TACC3: variants seen among roughly 807,000 people sequenced by gnomAD.
TACC3 encodes transforming acidic coiled-coil containing protein 3, also known as transforming acidic coiled-coil-containing protein 3.
Under a neutral mutation model 86.0 loss-of-function variants are expected in TACC3, and 52 were observed. The observed-to-expected ratio is 0.60, with a 90% CI of 0.48 to 0.76. The LOEUF (loss-of-function observed/expected upper bound fraction) is 0.76, where lower values mean the gene tolerates loss of function less well. Ranked by LOEUF, TACC3 falls within the 30% of genes least tolerant of loss-of-function variation. TACC3 has a pLI of 0.00. For missense variants in TACC3, 1,120 were observed against 1,070.4 expected (o/e 1.05, Z -0.65); for synonymous variants, 512 against 430.0 (o/e 1.19, Z -2.36).
At chr4:1,723,177 C>G (rs997323815) in intron 1 of TACC3, 1 of 539,454 alleles carries the variant, frequency 1.9e-6, no homozygotes, top group Admixed American at 3.5e-5. Context: ...CTCTTGGTCC[C>G]AGGAAGCAGC....
At chr4:1,725,114 T>C (rs563649520) in intron 3 of TACC3, among the ~76,000 whole-genome samples, 2 of 151,740 alleles carry the variant, frequency 1.3e-5, no homozygotes, top group African/African-American at 4.8e-5. Flanking sequence ...GTATTTTTAG[T>C]AAATATGGGG....
At chr4:1,738,219 G>GC in intron 10 of TACC3, 1 of 278,826 alleles carries the variant, frequency 3.6e-6, no homozygotes, top group Non-Finnish European at 7.1e-6. Flanking sequence ...AAGGGGCTGG[G>GC]TGTCTGCAGG....
In TACC3 at chr4:1,735,746, T is replaced by A. The variant is rs765481445; in HGVS notation, c.1660T>A (p.Leu554Met). 8.7e-6 allele frequency: 14 copies of A among 1,613,016 alleles called. No homozygotes were observed. The highest frequency in any genetic ancestry group is 1.2e-5 in the Non-Finnish European group (14 of 1,179,768). The change falls in exon 8 of 16, where the codon TTG becomes ATG. Residue 554 changes from leucine to methionine, a missense_variant. Coordinates refer to ENST00000313288, the MANE Select transcript of TACC3 (RefSeq NM_006342.3). The surrounding 1 kb of genome is among the most constrained non-coding windows in gnomAD (Gnocchi z 4.2). ...FGTSSFKESA[L>M]RKQSLYLKFD... ...TTGTCCCCAGTTTAAGGAGTCGGCC[T>A]TGAGGAAGCAGTCCTTATACCTCAA...
chr4:1,742,747 C>T (rs1718652705), intron 13 of TACC3, among the ~76,000 whole-genome samples: 1 of 150,874 alleles, frequency 6.6e-6, no homozygotes, highest in Non-Finnish European at 1.5e-5. Flanking sequence ...TGCAGTGAGC[C>T]AAGATCGTGC....
At chr4:1,736,687 T>C (rs1418726238) in intron 8 of TACC3, among the ~76,000 whole-genome samples, 1 of 151,854 alleles carries the variant, frequency 6.6e-6, no homozygotes, top group Non-Finnish European at 1.5e-5. Context: ...GGCGGGTGGA[T>C]CGCCTGAGGT....
intron 3 of TACC3, among the ~76,000 whole-genome samples, chr4:1,724,269 G>A (rs1167221866): frequency 6.6e-6 from 1 of 151,416 alleles, no homozygotes; most frequent in Non-Finnish European, 1.5e-5. Context: ...ACCACGCCCG[G>A]CCGGCCTTGG....
chr4:1,728,200 G>T lies in TACC3; in HGVS notation c.798G>T (p.Gln266His), dbSNP rs1229421389. 6.2e-7 allele frequency: 1 copy of T among 1,611,678 alleles called. No individual in the cohort carries two copies. Among genetic ancestry groups the T allele is most frequent in the Non-Finnish European group, 8.5e-7 (1 of 1,179,572 alleles). ...AAGCCTGCGGAGGAGCACCCCTGCA[G>T]GGTCTGCCTGGCGAAGCCCTGGGCT... ...PKEACGGAPL[Q>H]GLPGEALGCP... Residue 266 changes from glutamine to histidine, a missense_variant, in exon 4 of 16, where the codon CAG becomes CAT. By Grantham distance (24) the Gln-to-His change is conservative. Coordinates refer to ENST00000313288, the MANE Select transcript of TACC3 (RefSeq NM_006342.3).
intron 4 of TACC3, among the ~76,000 whole-genome samples, 178 bp downstream of exon 4, chr4:1,728,965 G>T (rs1259943628): frequency 6.6e-6 from 1 of 152,234 alleles, no homozygotes; most frequent in African/African-American, 2.4e-5. Flanking sequence ...GAGGGTGCTT[G>T]GCCTTGCCTT....
At position 1,735,272 on chromosome 4, in the gene TACC3, G is replaced by C; in HGVS notation, c.1592-1G>C. 6.2e-7 allele frequency: 1 copy of C among 1,614,006 alleles called. No individual in the cohort carries two copies. Among genetic ancestry groups the C allele is most frequent in the Non-Finnish European group, 8.5e-7 (1 of 1,180,028 alleles). Reference sequence around the variant, plus strand: ...GCGGCGGCATGATTCACTCCTCTCAGTTCTAGGCACGGGCGCGGAGGTGGA... The same window carrying C: ...GCGGCGGCATGATTCACTCCTCTCACTTCTAGGCACGGGCGCGGAGGTGGA... On this transcript the variant is annotated splice_acceptor_variant, in intron 6 of 15. Coordinates refer to ENST00000313288, the MANE Select transcript of TACC3 (RefSeq NM_006342.3). LOFTEE classifies it high-confidence loss of function. This position sits in a 1 kb window ranked among gnomAD's most constrained non-coding sequence, Gnocchi z 4.2.
chr4:1,720,669 C>A, upstream of TACC3: 1 of 1,546,656 alleles, frequency 6.5e-7, no homozygotes, highest in Non-Finnish European at 8.7e-7. This position sits in a 1 kb window ranked among gnomAD's most constrained non-coding sequence, Gnocchi z 4.4. Context: ...AGCGTGGCGG[C>A]CGTGCGGCGC....
chr4:1,728,141 G>C lies in TACC3; in HGVS notation c.739G>C (p.Val247Leu), dbSNP rs1011823920. 2 of 1,611,876 alleles carry C rather than the reference G, an allele frequency of 1.2e-6. No homozygotes were observed. The highest frequency in any genetic ancestry group is 4.5e-5 in the East Asian group (2 of 44,824). ...RHGGVCAPAA[V>L]ATSPPGAIPK... is the part of the protein sequence containing the mutation. Reference sequence around the variant, plus strand: ...CGGTGGGGTCTGTGCTCCCGCAGCAGTGGCCACTTCGCCTCCTGGTGCAAT... The same window carrying C: ...CGGTGGGGTCTGTGCTCCCGCAGCACTGGCCACTTCGCCTCCTGGTGCAAT... Residue 247 changes from valine to leucine, a missense_variant, in exon 4 of 16, where the codon GTG (valine) becomes CTG (leucine). By Grantham distance (32) the Val-to-Leu change is conservative (BLOSUM62 1). Coordinates refer to ENST00000313288, the MANE Select transcript of TACC3 (RefSeq NM_006342.3).
At chr4:1,733,421 C>T (rs768940054) in intron 6 of TACC3, among the ~76,000 whole-genome samples, 4 of 152,014 alleles carry the variant, frequency 2.6e-5, no homozygotes, top group Non-Finnish European at 4.4e-5. Context: ...TTTGCGGGGC[C>T]GAGGCAGGAT....
upstream of TACC3, chr4:1,720,802 A>G (rs769724010): frequency 1.3e-6 from 2 of 1,595,282 alleles, no homozygotes; most frequent in Non-Finnish European, 8.5e-7. This position sits in a 1 kb window ranked among gnomAD's most constrained non-coding sequence, Gnocchi z 4.4. Flanking sequence ...CGAACACCAG[A>G]TAGGCGAGAG....
Position 1,728,485 on chromosome 4 carries a change from C to G in TACC3, c.1083C>G (p.Ser361=), listed in dbSNP as rs760310349. 6.2e-7 allele frequency: 1 copy of G among 1,613,966 alleles called. No individual in the cohort carries two copies. Among genetic ancestry groups the G allele is most frequent in the South Asian group, 1.1e-5 (1 of 91,078 alleles). Residue 361 remains serine (S), a synonymous_variant, in exon 4 of 16, where the codon TCC becomes TCG. Coordinates refer to ENST00000313288, the MANE Select transcript of TACC3 (RefSeq NM_006342.3). ...APPPRRLGER[S]GLKPPLRKAA... ...CACCAAGGAGACTGGGAGAGAGGTC[C>G]GGCCTCAAGCCTCCCTTGAGGAAAG... is the stretch of plus-strand genomic sequence containing the variant.
In TACC3 at chr4:1,728,306, A is replaced by G. The variant is rs1271891924; in HGVS notation, c.904A>G (p.Thr302Ala). Residue 302 changes from threonine (T) to alanine (A), a missense_variant, in exon 4 of 16, where the codon ACA becomes GCA. By Grantham distance (58) the Thr-to-Ala change is moderately conservative. Coordinates refer to ENST00000313288, the MANE Select transcript of TACC3 (RefSeq NM_006342.3). Reference protein sequence around the residue: ...TCAHTSAPESTAPTNHLVAGR... With the variant: ...TCAHTSAPESAAPTNHLVAGR... ...TGCACACACCTCTGCTCCTGAGAGC[A>G]CAGCCCCAACCAACCACCTGGTGGC... is the stretch of plus-strand genomic sequence containing the variant. 1.2e-6 allele frequency: 2 copies of G among 1,612,822 alleles called. No homozygotes were observed. The highest frequency in any genetic ancestry group is 1.7e-6 in the Non-Finnish European group (2 of 1,180,036).
chr4:1,723,123 G>A (rs1717499200), intron 1 of TACC3: 1 of 410,564 alleles, frequency 2.4e-6, no homozygotes. Flanking sequence ...GATTATGCAG[G>A]CTTGGGTTTT....
intron 1 of TACC3, among the ~76,000 whole-genome samples, chr4:1,722,237 C>T (rs999005739): frequency 2.0e-5 from 3 of 152,208 alleles, no homozygotes; most frequent in East Asian, 3.9e-4. Flanking sequence ...CTGACTAAGG[C>T]TGGGTCTGCT....
chr4:1,724,379 CTTTTTTTTTTTTT>C (rs35896374), intron 3 of TACC3, among the ~76,000 whole-genome samples: 1 of 108,384 alleles, frequency 9.2e-6, no homozygotes, highest in African/African-American at 3.9e-5. Flanking sequence ...TCATACTTCA[CTTTTTTTTTTTTT>C]TTTTTTTTTT....
At chr4:1,734,242 C>T (rs1718146262) in intron 6 of TACC3, among the ~76,000 whole-genome samples, 1 of 152,076 alleles carries the variant, frequency 6.6e-6, no homozygotes, top group Non-Finnish European at 1.5e-5. Context: ...GGCTGGAGTG[C>T]AGTAGCATGA....
Sources: gnomAD v4.1 joint callset for allele counts (sites outside exome capture counted in the v4.1 genomes callset) on GRCh38, gnomAD v4.1.1 for gene constraint, Gnocchi (gnomAD v3.1) non-coding constraint, MANE v1.5 for transcripts, NCBI Gene and HGNC (gene_info 2026-07-23, HGNC 2026-07-21) for gene names.